The following ZXDB variants were observed in gnomAD, a reference collection of about 807,000 sequenced individuals.
The protein encoded by ZXDB is zinc finger X-linked duplicated B, also known as zinc finger X-linked protein ZXDB.
For synonymous variants in ZXDB, 273 were observed against 314.3 expected (o/e 0.87, Z 1.39); for missense variants, 413 against 679.1 (o/e 0.61, Z 4.36).
In ZXDB at chrX:57,592,279, G is replaced by C. The variant is rs747946602; in HGVS notation, c.231G>C (p.Arg77Ser). The part of the protein sequence containing the change: ...RGPGPSLLAP[R>S]TDQPSGGGGG... The stretch of plus-strand genomic sequence containing the variant: ...CTGGCCCAAGCCTGTTGGCGCCGAG[G>C]ACCGATCAACCTAGCGGCGGCGGCG... The change falls in exon 1 of 1, where the codon AGG becomes AGC. Residue 77 changes from arginine (R) to serine (S), a missense_variant. Transcript: ENST00000374888. 1.4e-5 allele frequency: 16 copies of C among 1,182,493 alleles called. No individual in the cohort carries two copies. The highest frequency in any genetic ancestry group is 1.6e-5 in the Non-Finnish European group (14 of 885,893).
rs1379003040 is a variant in ZXDB at position 57,595,422 on chromosome X, A to C, written c.*962A>C. ...AGATTGAAACATGGCTTTTGGCATG[A>C]ATGTTTCATAGGTTATGTTGTGTTC... On this transcript the variant is annotated 3_prime_UTR_variant, in exon 1 of 1. Transcript: ENST00000374888. 8.1e-6 allele frequency: 1 copy of C among 122,848 alleles called. No homozygotes were observed. The highest frequency in any genetic ancestry group is 1.9e-5 in the Non-Finnish European group (1 of 53,231). The allele number at this position is 122,848 out of a possible 1,213,427, so 10.1% of individuals were successfully genotyped here. A position where few individuals can be genotyped will look rare whatever the true frequency, so the allele number is the denominator to read the frequency against.
Position 57,593,097 on chromosome X carries a change from A to T in ZXDB, c.1049A>T (p.Asn350Ile). ...GGCAAGAGCTTCACCACAGTGTACA[A>T]CCTCAAGGCGCACATGAAGGGCCAT... ...GCGKSFTTVY[N>I]LKAHMKGHEQ... Residue 350 changes from asparagine (N) to isoleucine (I), a missense_variant, in exon 1 of 1, where the codon AAC becomes ATC. Transcript: ENST00000374888. The T allele has an allele frequency of 8.3e-7, 1 of 1,211,566 alleles. No homozygotes were observed. Among genetic ancestry groups the T allele is most frequent in the Non-Finnish European group, 1.1e-6 (1 of 895,420 alleles).
rs2057906115 is a variant in ZXDB, at chrX:57,594,790, T to C, written c.*330T>C. 1 of 188,028 alleles carries C rather than the reference T, an allele frequency of 5.3e-6. No homozygotes were observed. The highest frequency in any genetic ancestry group is 3.1e-5 in the African/African-American group (1 of 32,782). 15.5% of individuals were successfully genotyped at this position (188,028 alleles called of 1,213,427 possible). A position where few individuals can be genotyped will look rare whatever the true frequency, so the allele number is the denominator to read the frequency against. On this transcript the variant is annotated 3_prime_UTR_variant, in exon 1 of 1. Transcript: ENST00000374888. Reference sequence around the variant, plus strand: ...TGAAAAATATGAGGACGTTTTTCAGTGATGTGGCATGCGTTTTTTTTTAAC... The same window carrying C: ...TGAAAAATATGAGGACGTTTTTCAGCGATGTGGCATGCGTTTTTTTTTAAC...
In ZXDB at chrX:57,593,695, C is replaced by T. The variant is rs147394863; in HGVS notation, c.1647C>T (p.Cys549=). The change falls in exon 1 of 1, where the codon TGC becomes TGT. Residue 549 remains cysteine, a synonymous_variant. Coordinates refer to ENST00000374888, the MANE Select transcript of ZXDB (RefSeq NM_007157.4). ...LQDVDTWKSR[C]PISSCNKLFT... is the part of the protein sequence containing the mutation. ...ATGTGGACACTTGGAAAAGCCGTTG[C>T]CCGATCTCCTCTTGTAATAAACTCT... 18 of 1,203,464 alleles carry T rather than the reference C, an allele frequency of 1.5e-5. No individual in the cohort carries two copies. Among genetic ancestry groups the T allele is most frequent in the African/African-American group, 3.6e-5 (2 of 55,659 alleles).
In ZXDB at chrX:57,592,229, G is replaced by C; in HGVS notation, c.181G>C (p.Glu61Gln). 1.8e-6 allele frequency: 2 copies of C among 1,106,248 alleles called. No individual in the cohort carries two copies. The highest frequency in any genetic ancestry group is 2.3e-6 in the Non-Finnish European group (2 of 851,879). The allele number at this position is 1,106,248 out of a possible 1,213,427, so 91.2% of individuals were successfully genotyped here. Residue 61 changes from glutamate (E) to glutamine (Q), a missense_variant, in exon 1 of 1, where the codon GAG becomes CAG. Physicochemically the swap from Glu to Gln is conservative, Grantham distance 29 (BLOSUM62 2). Transcript: ENST00000374888. ...TGGCGGGCCCGGGCGGCGGCGCGAGGAGGCCAGCACGGCATCACGGGGCCC... is the reference window on the plus strand; with the variant it reads ...TGGCGGGCCCGGGCGGCGGCGCGAGCAGGCCAGCACGGCATCACGGGGCCC... ...QDGGPGRRRE[E>Q]ASTASRGPGP...
chrX:57,594,636 G>C lies in ZXDB; in HGVS notation c.*176G>C, dbSNP rs1372927561. 2.2e-5 allele frequency: 13 copies of C among 594,838 alleles called. No individual in the cohort carries two copies. Among genetic ancestry groups the C allele is most frequent in the Middle Eastern group, 1.1e-3 (2 of 1,876 alleles). 49.0% of individuals were successfully genotyped at this position (594,838 alleles called of 1,213,427 possible). On this transcript the variant is annotated 3_prime_UTR_variant, in exon 1 of 1. Transcript: ENST00000374888. ...ATCTTGAGTTTGGAACTGACAAGTT[G>C]TGTGACCCTGAGCAAGTCAGTTAAC...
In ZXDB at chrX:57,593,664, T is replaced by G; in HGVS notation, c.1616T>G (p.Leu539Arg). Reference protein sequence around the residue: ...SSLYIHSKKHLQDVDTWKSRC... With the variant: ...SSLYIHSKKHRQDVDTWKSRC... ...CTCTACATTCACTCCAAGAAACACC[T>G]GCAGGATGTGGACACTTGGAAAAGC... The change falls in exon 1 of 1, where the codon CTG becomes CGG. Residue 539 changes from leucine to arginine, a missense_variant. Coordinates refer to ENST00000374888, the MANE Select transcript of ZXDB (RefSeq NM_007157.4). 1 of 1,207,922 alleles carries G rather than the reference T, an allele frequency of 8.3e-7. No individual in the cohort carries two copies. Among genetic ancestry groups the G allele is most frequent in the East Asian group, 3.0e-5 (1 of 33,674 alleles).
Position 57,593,068 on chromosome X carries a change from C to G in ZXDB, c.1020C>G (p.Gly340=). The G allele has an allele frequency of 8.3e-7, 1 of 1,211,986 alleles. No individual in the cohort carries two copies. The highest frequency in any genetic ancestry group is 1.1e-6 in the Non-Finnish European group (1 of 895,557). The change falls in exon 1 of 1, where the codon GGC becomes GGG. Residue 340 remains glycine (G), a synonymous_variant. Coordinates refer to ENST00000374888, the MANE Select transcript of ZXDB (RefSeq NM_007157.4). ...GGCCCTTTGGCTGCCCGGCAGAGGGCTGTGGCAAGAGCTTCACCACAGTGT... is the reference window on the plus strand; with the variant it reads ...GGCCCTTTGGCTGCCCGGCAGAGGGGTGTGGCAAGAGCTTCACCACAGTGT... ...KLRPFGCPAE[G]CGKSFTTVYN...
rs1427161578 is a variant in ZXDB at position 57,594,961 on chromosome X, C to T, written c.*501C>T. On this transcript the variant is annotated 3_prime_UTR_variant, in exon 1 of 1. Coordinates refer to ENST00000374888, the MANE Select transcript of ZXDB (RefSeq NM_007157.4). ...TTTTTAACTTAGCCTCACTCACTCC[C>T]CATGTTCTAGTATTATTTTGTAACA... The T allele has an allele frequency of 8.1e-6, 1 of 123,929 alleles. No homozygotes were observed. Among genetic ancestry groups the T allele is most frequent in the Non-Finnish European group, 1.9e-5 (1 of 53,994 alleles). The allele number at this position is 123,929 out of a possible 1,213,427, so 10.2% of individuals were successfully genotyped here.
Position 57,596,687 on chromosome X carries a change from G to T in ZXDB, c.*2227G>T. Reference sequence around the variant, plus strand: ...TTAGTCGCTGTTTTCCATTTGAATTGGTTTCTTTTATGGTCAGTTTACTTT... The same window carrying T: ...TTAGTCGCTGTTTTCCATTTGAATTTGTTTCTTTTATGGTCAGTTTACTTT... On this transcript the variant is annotated 3_prime_UTR_variant, in exon 1 of 1. Transcript: ENST00000374888. The T allele has an allele frequency of 8.2e-6, 1 of 122,585 alleles. No individual in the cohort carries two copies. Among genetic ancestry groups the T allele is most frequent in the Admixed American group, 9.5e-5 (1 of 10,506 alleles). The allele number at this position is 122,585 out of a possible 1,213,427, so 10.1% of individuals were successfully genotyped here.
At position 57,592,618 on chromosome X, in the gene ZXDB, C is replaced by T. The variant is rs2057898181; in HGVS notation, c.570C>T (p.Pro190=). The T allele has an allele frequency of 8.4e-7, 1 of 1,194,463 alleles. No homozygotes were observed. Among genetic ancestry groups the T allele is most frequent in the South Asian group, 1.8e-5 (1 of 55,065 alleles). The change falls in exon 1 of 1, where the codon CCC becomes CCT. Residue 190 remains proline (P), a synonymous_variant. Coordinates refer to ENST00000374888, the MANE Select transcript of ZXDB (RefSeq NM_007157.4). The part of the protein sequence containing the change: ...FENGVLTLAT[P]PPHAWEPGAA... ...ACGGCGTCCTCACCCTGGCCACGCC[C>T]CCACCACACGCCTGGGAGCCAGGGG... is the stretch of plus-strand genomic sequence containing the variant.
At position 57,594,268 on chromosome X, in the gene ZXDB, G is replaced by A. The variant is rs148466824; in HGVS notation, c.2220G>A (p.Ser740=). ...LTVDTDALTP[S]STLCENSVSE... ...TGGACACAGATGCTCTGACTCCTTCGAGCACCCTTTGTGAAAACAGTGTCT... is the reference window on the plus strand; with the variant it reads ...TGGACACAGATGCTCTGACTCCTTCAAGCACCCTTTGTGAAAACAGTGTCT... Residue 740 remains serine (S), a synonymous_variant, in exon 1 of 1, where the codon TCG becomes TCA. Transcript: ENST00000374888. The A allele has an allele frequency of 2.1e-5, 26 of 1,209,427 alleles. No individual in the cohort carries two copies. Among genetic ancestry groups the A allele is most frequent in the Non-Finnish European group, 2.6e-5 (23 of 895,145 alleles).
Position 57,594,588 on chromosome X carries a change from C to T in ZXDB, c.*128C>T, listed in dbSNP as rs2057905519. The T allele has an allele frequency of 6.8e-6, 6 of 885,006 alleles. No homozygotes were observed. Among genetic ancestry groups the T allele is most frequent in the Non-Finnish European group, 9.4e-6 (6 of 641,362 alleles). 72.9% of individuals were successfully genotyped at this position (885,006 alleles called of 1,213,427 possible). On this transcript the variant is annotated 3_prime_UTR_variant, in exon 1 of 1. Transcript: ENST00000374888. ...GCAAAAAGAGCACAGCCCTGGACTA[C>T]AAGTTTGGAGATTTAAATTCTGATC...
At position 57,594,601 on chromosome X, in the gene ZXDB, T is replaced by G. The variant is rs773259586; in HGVS notation, c.*141T>G. The G allele has an allele frequency of 1.1e-4, 93 of 817,864 alleles. 1 individual carries two copies. In the South Asian group the frequency reaches 2.6e-3, roughly 23 times the overall value. 67.4% of individuals were successfully genotyped at this position (817,864 alleles called of 1,213,427 possible). On this transcript the variant is annotated 3_prime_UTR_variant, in exon 1 of 1. Coordinates refer to ENST00000374888, the MANE Select transcript of ZXDB (RefSeq NM_007157.4). ...AGCCCTGGACTACAAGTTTGGAGAT[T>G]TAAATTCTGATCTTGAGTTTGGAAC...
chrX:57,593,733 A>G lies in ZXDB; in HGVS notation c.1685A>G (p.His562Arg), dbSNP rs1284304741. Residue 562 changes from histidine (H) to arginine (R), a missense_variant, in exon 1 of 1, where the codon CAC (histidine) becomes CGC (arginine). By Grantham distance (29) the His-to-Arg change is conservative (BLOSUM62 0). Transcript: ENST00000374888. ...TGTAATAAACTCTTCACATCCAAGC[A>G]CAGCATGAAGACGCACATGGTTAAA... Reference protein sequence around the residue: ...SSCNKLFTSKHSMKTHMVKRH... With the variant: ...SSCNKLFTSKRSMKTHMVKRH... 1.4e-5 allele frequency: 17 copies of G among 1,208,918 alleles called. No individual in the cohort carries two copies. Among genetic ancestry groups the G allele is most frequent in the Non-Finnish European group, 1.8e-5 (16 of 894,062 alleles).
chrX:57,592,248 G>T lies in ZXDB; in HGVS notation c.200G>T (p.Arg67Leu), dbSNP rs758842956. 3 of 1,157,536 alleles carry T rather than the reference G, an allele frequency of 2.6e-6. No homozygotes were observed. Among genetic ancestry groups the T allele is most frequent in the East Asian group, 3.5e-5 (1 of 28,769 alleles). Residue 67 changes from arginine to leucine, a missense_variant, in exon 1 of 1, where the codon CGG (arginine) becomes CTG (leucine). By Grantham distance (102) the Arg-to-Leu change is moderately radical. Transcript: ENST00000374888. ...RRREEASTAS[R>L]GPGPSLLAPR... Reference sequence around the variant, plus strand: ...CGCGAGGAGGCCAGCACGGCATCACGGGGCCCTGGCCCAAGCCTGTTGGCG... The same window carrying T: ...CGCGAGGAGGCCAGCACGGCATCACTGGGCCCTGGCCCAAGCCTGTTGGCG...
rs1249308515 is a variant in ZXDB, at chrX:57,592,468, T to C, written c.420T>C (p.Thr140=). The C allele has an allele frequency of 2.8e-5, 33 of 1,172,181 alleles. No homozygotes were observed. The highest frequency in any genetic ancestry group is 3.5e-5 in the Non-Finnish European group (31 of 878,646). The change falls in exon 1 of 1, where the codon ACT becomes ACC. Residue 140 remains threonine (T), a synonymous_variant. Transcript: ENST00000374888. ...GESGANPAGP[T]ALGPRCLSAV... The stretch of plus-strand genomic sequence containing the variant: ...GCGGCGCGAATCCCGCGGGGCCCAC[T>C]GCGCTAGGCCCCCGCTGCCTGTCCG...
At position 57,595,185 on chromosome X, in the gene ZXDB, T is replaced by C. The variant is rs1046719636; in HGVS notation, c.*725T>C. ...TACTTGTTTTATTATTTTTAATTAG[T>C]AGAATCCCGTAAATCTCCTAAGTGT... On this transcript the variant is annotated 3_prime_UTR_variant, in exon 1 of 1. Transcript: ENST00000374888. 2.4e-5 allele frequency: 3 copies of C among 123,706 alleles called. No homozygotes were observed. Among genetic ancestry groups the C allele is most frequent in the African/African-American group, 9.7e-5 (3 of 30,945 alleles). 10.2% of individuals were successfully genotyped at this position (123,706 alleles called of 1,213,427 possible).
rs376196867 is a variant in ZXDB at position 57,593,876 on chromosome X, C to T, written c.1828C>T (p.Leu610Phe). The T allele has an allele frequency of 4.2e-6, 5 of 1,192,816 alleles. No individual in the cohort carries two copies. Among genetic ancestry groups the T allele is most frequent in the Non-Finnish European group, 5.7e-6 (5 of 881,769 alleles). ...TCTCAGTGATGCAGAGATAGTGTCT[C>T]TCTTCTCTGATGTACCTGACAGTAC... Reference protein sequence around the residue: ...NDLSDAEIVSLFSDVPDSTSA... With the variant: ...NDLSDAEIVSFFSDVPDSTSA... Residue 610 changes from leucine (L) to phenylalanine (F), a missense_variant, in exon 1 of 1, where the codon CTC (leucine) becomes TTC (phenylalanine). Leu to Phe is a conservative substitution (Grantham distance 22). Coordinates refer to ENST00000374888, the MANE Select transcript of ZXDB (RefSeq NM_007157.4).
Sources: allele counts gnomAD v4.1 joint callset, GRCh38; gene constraint gnomAD v4.1.1; transcripts MANE v1.5; gene names NCBI Gene and HGNC (gene_info 2026-07-23, HGNC 2026-07-21).